MIPEP: variants seen among roughly 807,000 people sequenced by gnomAD.
MIPEP encodes the protein mitochondrial intermediate peptidase.
In MIPEP, 79 loss-of-function variants were observed where a neutral mutation model predicts 90.3. The ratio of observed to expected loss-of-function variants is 0.87; its 90% CI spans 0.73 to 1.05. The LOEUF is 1.05. Among genes scored for constraint, MIPEP ranks in the 50% least tolerant of loss-of-function variants. The pLI is 0.00. For synonymous variants in MIPEP, 334 were observed against 315.8 expected (o/e 1.06, Z -0.61); for missense variants, 940 against 905.6 (o/e 1.04, Z -0.49).
intron 12 of MIPEP, among the ~76,000 whole-genome samples, chr13:23,838,255 T>C (rs542613118): frequency 1.6e-4 from 25 of 152,324 alleles, no homozygotes; most frequent in Admixed American, 1.4e-3. Flanking sequence ...GCCATCCTCC[T>C]GCTTTGGCCT....
At chr13:23,824,004 T>G (rs1953338779) in intron 14 of MIPEP, among the ~76,000 whole-genome samples, 1 of 152,166 alleles carries the variant, frequency 6.6e-6, no homozygotes, top group South Asian at 2.1e-4. Flanking sequence ...TAAACAAAAG[T>G]GGCAATGTTT....
chr13:23,879,797 C>T (rs1482937604), intron 3 of MIPEP, among the ~76,000 whole-genome samples: 2 of 152,146 alleles, frequency 1.3e-5, no homozygotes, highest in Non-Finnish European at 2.9e-5. Context: ...GCTGTGGGAC[C>T]TTGGACACGT....
chr13:23,848,897 G>A (rs998517619), intron 10 of MIPEP, among the ~76,000 whole-genome samples: 1 of 152,204 alleles, frequency 6.6e-6, no homozygotes, highest in Admixed American at 6.5e-5. Flanking sequence ...TCCAGAGAGG[G>A]TGGAAGAGAT....
chr13:23,761,392 G>A (rs1952541157), intron 16 of MIPEP, among the ~76,000 whole-genome samples: 1 of 152,164 alleles, frequency 6.6e-6, no homozygotes, highest in Admixed American at 6.5e-5. Flanking sequence ...GGGTGGAGGT[G>A]CACATCTGTT....
At chr13:23,784,265 G>C (rs1204423390) in intron 16 of MIPEP, among the ~76,000 whole-genome samples, 5 of 152,134 alleles carry the variant, frequency 3.3e-5, no homozygotes, top group Non-Finnish European at 7.3e-5. Flanking sequence ...AACCAAAACA[G>C]CATGGTACTG....
In MIPEP at chr13:23,747,548, G is replaced by A. The variant is rs114854917; in HGVS notation, c.2044+8997C>T. The A allele has an allele frequency of 4.6e-3, 2,340 of 512,742 alleles. 52 individuals carry two copies. The highest frequency in any genetic ancestry group is 0.041 in the African/African-American group (2,149 of 51,904). The allele number at this position is 512,742 out of a possible 1,614,324, so 31.8% of individuals were successfully genotyped here. ...GACAGGAAGGAGGAAGGGCAGGATA[G>A]GAGTAAGAGAACAGCTGAGAGACTG... On this transcript the variant is annotated intron_variant, in intron 18 of 18. Coordinates refer to ENST00000382172, the MANE Select transcript of MIPEP (RefSeq NM_005932.4).
intron 18 of MIPEP, among the ~76,000 whole-genome samples, chr13:23,730,984 C>T (rs1952198639): frequency 6.6e-6 from 1 of 152,212 alleles, no homozygotes; most frequent in Non-Finnish European, 1.5e-5. Context: ...CACTTAAAAT[C>T]TCTGGCATCC....
At chr13:23,880,880 G>GGCATA (rs1401533373) in intron 3 of MIPEP, among the ~76,000 whole-genome samples, 9 of 152,268 alleles carry the variant, frequency 5.9e-5, no homozygotes, top group Non-Finnish European at 1.3e-4. Flanking sequence ...AACAATTTCT[G>GGCATA]GCATATGAAA....
chr13:23,884,222 G>C (rs574389339), intron 2 of MIPEP, among the ~76,000 whole-genome samples: 3 of 150,794 alleles, frequency 2.0e-5, no homozygotes, highest in East Asian at 2.0e-4. Context: ...TAGTGGGGAG[G>C]GGGGGGTGTG....
chr13:23,835,626 C>G (rs1002117308), intron 14 of MIPEP, among the ~76,000 whole-genome samples: 1 of 152,282 alleles, frequency 6.6e-6, no homozygotes, highest in African/African-American at 2.4e-5. Context: ...AGGGAAAGAA[C>G]GCATCTTCCA....
intron 14 of MIPEP, among the ~76,000 whole-genome samples, chr13:23,830,626 T>G (rs957403803): frequency 6.6e-6 from 1 of 152,234 alleles, no homozygotes; most frequent in East Asian, 1.9e-4. Context: ...TCTCCTGAAC[T>G]GAAATGAGCC....
intron 3 of MIPEP, among the ~76,000 whole-genome samples, chr13:23,881,258 G>A (rs1298901288): frequency 6.6e-6 from 1 of 152,156 alleles, no homozygotes; most frequent in Non-Finnish European, 1.5e-5. Context: ...CACAGCCATT[G>A]ATGCAACAGC....
chr13:23,765,145 T>C (rs1051884022), intron 16 of MIPEP, among the ~76,000 whole-genome samples: 1 of 152,176 alleles, frequency 6.6e-6, no homozygotes, highest in African/African-American at 2.4e-5. Flanking sequence ...AGGTTCCACA[T>C]GGCCAATCAC....
chr13:23,867,182 A>G (rs1870579672), intron 7 of MIPEP, among the ~76,000 whole-genome samples: 1 of 152,076 alleles, frequency 6.6e-6, no homozygotes, highest in African/African-American at 2.4e-5. Context: ...GACCTGCTGC[A>G]CTTGCATCAA....
chr13:23,785,211 T>C (rs1952825455), intron 16 of MIPEP, among the ~76,000 whole-genome samples: 1 of 152,104 alleles, frequency 6.6e-6, no homozygotes, highest in Non-Finnish European at 1.5e-5. Flanking sequence ...GCGGCACTAT[T>C]CACAATAGCA....
At chr13:23,867,727 A>G (rs1490617731) in intron 7 of MIPEP, among the ~76,000 whole-genome samples, 1 of 152,146 alleles carries the variant, frequency 6.6e-6, no homozygotes, top group Non-Finnish European at 1.5e-5. Context: ...GATATAAAAC[A>G]TAGGGCATTA....
intron 16 of MIPEP, among the ~76,000 whole-genome samples, chr13:23,766,707 G>A (rs1565986358): frequency 6.6e-6 from 1 of 152,196 alleles, no homozygotes; most frequent in East Asian, 1.9e-4. Context: ...CCAACAGACA[G>A]GAATTCTCCA....
At chr13:23,852,938 C>G (rs903454960) in intron 10 of MIPEP, among the ~76,000 whole-genome samples, 1 of 150,028 alleles carries the variant, frequency 6.7e-6, no homozygotes. Context: ...TGGTTTATAA[C>G]AAAAAAATTT....
intron 11 of MIPEP, among the ~76,000 whole-genome samples, chr13:23,840,422 C>T (rs1204736051): frequency 6.6e-6 from 1 of 152,212 alleles, no homozygotes; most frequent in Non-Finnish European, 1.5e-5. Context: ...TGCTGGACCC[C>T]GGTGGAGTGC....
Sources: allele counts gnomAD v4.1 joint callset (sites outside exome capture counted in the v4.1 genomes callset), GRCh38; gene constraint gnomAD v4.1.1; transcripts MANE v1.5; gene names NCBI Gene and HGNC (gene_info 2026-07-23, HGNC 2026-07-21).